LAMA3: variants seen among roughly 807,000 people sequenced by gnomAD.
LAMA3 encodes laminin subunit alpha 3.
Under a neutral mutation model 402.0 loss-of-function variants are expected in LAMA3, and 281 were observed. That is an observed-to-expected ratio of 0.70 (90% CI 0.63 to 0.77). The LOEUF (loss-of-function observed/expected upper bound fraction) is 0.77, where lower values mean the gene tolerates loss of function less well. LAMA3 is among the 30% of genes least tolerant of loss of function. LAMA3 has a pLI of 0.00. For synonymous variants in LAMA3, 1,431 were observed against 1,558.4 expected (o/e 0.92, Z 1.93); for missense variants, 3,840 against 4,215.5 (o/e 0.91, Z 2.47).
In LAMA3 at chr18:23,873,098, T is replaced by C. The variant is rs1453122656; in HGVS notation, c.4998+1437T>C. Reference sequence around the variant, plus strand: ...GCAGCATGGGATGGCTGTGGATCTTTGGGGCAGCCCTGGGGCAGTGTCTGG... The same window carrying C: ...GCAGCATGGGATGGCTGTGGATCTTCGGGGCAGCCCTGGGGCAGTGTCTGG... On this transcript the variant is annotated intron_variant, in intron 38 of 74. Coordinates refer to ENST00000313654, the MANE Select transcript of LAMA3 (RefSeq NM_198129.4). 1.2e-6 allele frequency: 2 copies of C among 1,614,024 alleles called. No individual in the cohort carries two copies. The highest frequency in any genetic ancestry group is 1.3e-5 in the African/African-American group (1 of 74,908).
chr18:23,758,309 A>G, intron 6 of LAMA3, 87 bp from the exon 7 acceptor site: 1 of 868,470 alleles, frequency 1.2e-6, no homozygotes, highest in South Asian at 1.4e-5. Context: ...GACCGTGATG[A>G]CTCGTGTGTC....
At chr18:23,866,772 C>T (rs1464568668) in intron 36 of LAMA3, among the ~76,000 whole-genome samples, 5 of 152,302 alleles carry the variant, frequency 3.3e-5, no homozygotes, top group African/African-American at 4.8e-5. Flanking sequence ...CTGCTTTGTT[C>T]TAATCCACTG....
At chr18:23,940,281 G>A (rs1017858263) in intron 68 of LAMA3, among the ~76,000 whole-genome samples, 2 of 152,192 alleles carry the variant, frequency 1.3e-5, no homozygotes, top group African/African-American at 4.8e-5. Flanking sequence ...TCCACAGACT[G>A]TAACACAGTC....
intron 43 of LAMA3, 63 bp from the exon 44 acceptor site, chr18:23,894,844 G>A: frequency 2.5e-6 from 4 of 1,605,474 alleles, no homozygotes; most frequent in Non-Finnish European, 3.4e-6. Context: ...TAGCACTTGT[G>A]GTCTTTTCGC....
At chr18:23,749,139 C>T (rs1482813535) in intron 3 of LAMA3, among the ~76,000 whole-genome samples, 1 of 152,194 alleles carries the variant, frequency 6.6e-6, no homozygotes, top group East Asian at 1.9e-4. Context: ...CTTATAAAGG[C>T]ATTGGGTTTT....
At chr18:23,838,400 C>T (rs944782061) in intron 25 of LAMA3, among the ~76,000 whole-genome samples, 3 of 152,088 alleles carry the variant, frequency 2.0e-5, no homozygotes, top group Admixed American at 6.6e-5. Flanking sequence ...GCTCTCTGGC[C>T]CACACCACAT....
chr18:23,871,221 A>T (rs2064507625), intron 37 of LAMA3, among the ~76,000 whole-genome samples: 1 of 151,834 alleles, frequency 6.6e-6, no homozygotes, highest in South Asian at 2.1e-4. Context: ...CCCTGCCTTC[A>T]TTTTTTTTCC....
Position 23,914,777 on chromosome 18 carries a change from G to A in LAMA3, c.7561G>A (p.Asp2521Asn), listed in dbSNP as rs146061085. 6.2e-5 allele frequency: 100 copies of A among 1,613,346 alleles called. No individual in the cohort carries two copies. The African/African-American group carries it at 1.3e-3, about 21-fold the overall frequency. Residue 2521 changes from aspartate (D) to asparagine (N), a missense_variant, in exon 58 of 75, where the codon GAT becomes AAT. Physicochemically the swap from Asp to Asn is conservative, Grantham distance 23. This residue lies in a region of LAMA3 where 891 missense variants were observed against 857.5 expected (regional missense o/e 1.04). Transcript: ENST00000313654. ...KPETPGVYDM[D>N]GRNSNTLLNL... ...AGAAACACCCGGAGTCTATGACATG[G>A]ATGGTAGAAATAGCAATACACTCCT... is the stretch of plus-strand genomic sequence containing the variant.
intron 31 of LAMA3, 35 bp downstream of exon 31, chr18:23,846,543 C>G: frequency 1.3e-6 from 2 of 1,569,904 alleles, no homozygotes; most frequent in Non-Finnish European, 8.6e-7. Flanking sequence ...AAGTTCTGCT[C>G]TGGTCCCGTG....
intron 21 of LAMA3, among the ~76,000 whole-genome samples, chr18:23,825,259 A>T (rs1273595063): frequency 6.6e-6 from 1 of 152,234 alleles, no homozygotes; most frequent in Non-Finnish European, 1.5e-5. Context: ...GGGAGTTGGA[A>T]GGATGAAACC....
intron 1 of LAMA3, among the ~76,000 whole-genome samples, chr18:23,697,399 C>T (rs1393822232): frequency 2.0e-5 from 3 of 152,162 alleles, no homozygotes; most frequent in Admixed American, 6.5e-5. Flanking sequence ...TGTACTGGCT[C>T]AGGAGCCTCT....
intron 62 of LAMA3, among the ~76,000 whole-genome samples, chr18:23,927,847 T>C (rs2082051761): frequency 6.6e-6 from 1 of 151,978 alleles, no homozygotes; most frequent in Non-Finnish European, 1.5e-5. Flanking sequence ...ATTGTGCATG[T>C]TCTCTGTCTC....
chr18:23,718,021 G>A (rs572703966), intron 2 of LAMA3, among the ~76,000 whole-genome samples: 5 of 152,174 alleles, frequency 3.3e-5, no homozygotes, highest in African/African-American at 4.8e-5. Context: ...ATGAGAACAC[G>A]ATGTCTTTCA....
rs1384314333 is a variant in LAMA3, at chr18:23,772,422, TC to T, written c.1183-1074del. 2.0e-5 allele frequency among the ~76,000 whole-genome samples: 3 copies of T among 152,332 alleles called. No individual in the cohort carries two copies. In the East Asian group the frequency reaches 5.8e-4, roughly 29 times the overall value. On this transcript the variant is annotated intron_variant, in intron 8 of 74. Coordinates refer to ENST00000313654, the MANE Select transcript of LAMA3 (RefSeq NM_198129.4). Reference sequence around the variant, plus strand: ...TTCCAGTCTAGTTAACCTGATGTCCTCTGTCTATGGTAAGAAACAGTGGCAA... The same window carrying T: ...TTCCAGTCTAGTTAACCTGATGTCCTTGTCTATGGTAAGAAACAGTGGCAA...
rs2064307532 is a variant in LAMA3, at chr18:23,864,645, A to T, written c.4585-140A>T. The T allele has an allele frequency of 3.3e-5, 23 of 688,856 alleles. No individual in the cohort carries two copies. The East Asian group carries it at 6.2e-4, about 19-fold the overall frequency. 42.7% of individuals were successfully genotyped at this position (688,856 alleles called of 1,614,324 possible). ...TAGAAAAAATACCATCCTCAACCCC[A>T]CCTCCTAGATACAACCCTTGTTACC... On this transcript the variant is annotated intron_variant, in intron 35 of 74. Coordinates refer to ENST00000313654, the MANE Select transcript of LAMA3 (RefSeq NM_198129.4).
intron 20 of LAMA3, among the ~76,000 whole-genome samples, chr18:23,824,094 A>G (rs1820029734): frequency 6.6e-6 from 1 of 152,180 alleles, no homozygotes; most frequent in South Asian, 2.1e-4. Context: ...ATAATTTAGT[A>G]GCTAATGTAA....
intron 62 of LAMA3, among the ~76,000 whole-genome samples, chr18:23,925,517 A>G (rs986079776): frequency 2.6e-5 from 4 of 152,218 alleles, no homozygotes; most frequent in Admixed American, 2.6e-4. Context: ...AACATCGACT[A>G]AGTACCCAAC....
At chr18:23,759,882 T>C (rs1198077842) in intron 7 of LAMA3, among the ~76,000 whole-genome samples, 1 of 152,194 alleles carries the variant, frequency 6.6e-6, no homozygotes, top group Non-Finnish European at 1.5e-5. Flanking sequence ...CAGGTGTTGC[T>C]TGGATGGCCA....
intron 2 of LAMA3, among the ~76,000 whole-genome samples, chr18:23,731,159 A>G (rs532434047): frequency 2.6e-5 from 4 of 152,234 alleles, no homozygotes; most frequent in African/African-American, 4.8e-5. Context: ...TCCTTTAATT[A>G]TAAGACCTCA....
Sources: gnomAD v4.1 joint callset for allele counts (sites outside exome capture counted in the v4.1 genomes callset) on GRCh38, gnomAD v4.1.1 for gene constraint, gnomAD v4.1.1 regional missense constraint, MANE v1.5 for transcripts, NCBI Gene and HGNC (gene_info 2026-07-23, HGNC 2026-07-21) for gene names.